HGF: variants seen among roughly 807,000 people sequenced by gnomAD.
HGF encodes the protein fibroblast-derived tumor cytotoxic factor.
In HGF, 39 loss-of-function variants were observed where a neutral mutation model predicts 111.6. The ratio of observed to expected loss-of-function variants is 0.35; its 90% CI spans 0.27 to 0.46. The LOEUF (loss-of-function observed/expected upper bound fraction) is 0.46. Ranked by LOEUF, HGF falls within the 20% of genes least tolerant of loss-of-function variation. The pLI, the probability that HGF is intolerant of heterozygous loss-of-function variation, is 1.00. For synonymous variants in HGF, 285 were observed against 294.8 expected (o/e 0.97, Z 0.34); for missense variants, 735 against 910.5 (o/e 0.81, Z 2.48).
chr7:81,761,234 AG>A (rs1377759589), intron 2 of HGF, among the ~76,000 whole-genome samples: 3 of 152,224 alleles, frequency 2.0e-5, no homozygotes, highest in Non-Finnish European at 2.9e-5. Flanking sequence ...TAGGAAAGTC[AG>A]GGAATAAAAC....
At chr7:81,722,650 C>G (rs1299804474) in intron 9 of HGF, among the ~76,000 whole-genome samples, 1 of 148,968 alleles carries the variant, frequency 6.7e-6, no homozygotes, top group African/African-American at 2.5e-5. Flanking sequence ...CCATTTCTAC[C>G]AAAAATATAA....
chr7:81,761,989 T>C (rs930643774), intron 2 of HGF, among the ~76,000 whole-genome samples: 1 of 152,096 alleles, frequency 6.6e-6, no homozygotes, highest in Non-Finnish European at 1.5e-5. Flanking sequence ...GCAGTAATGC[T>C]CACTGGCCTG....
At chr7:81,716,804 T>C (rs1300482464) in intron 11 of HGF, among the ~76,000 whole-genome samples, 1 of 152,062 alleles carries the variant, frequency 6.6e-6, no homozygotes, top group African/African-American at 2.4e-5. Flanking sequence ...GAGAAGGAAA[T>C]AGAAGTACCA....
At chr7:81,757,857 A>C (rs1465778096) in intron 3 of HGF, among the ~76,000 whole-genome samples, 1 of 152,020 alleles carries the variant, frequency 6.6e-6, no homozygotes, top group Admixed American at 6.6e-5. Flanking sequence ...TAGTACATGC[A>C]GTTGTTAGCA....
At chr7:81,728,581 G>A (rs1790081419) in intron 8 of HGF, among the ~76,000 whole-genome samples, 1 of 152,194 alleles carries the variant, frequency 6.6e-6, no homozygotes, top group Non-Finnish European at 1.5e-5. Context: ...TGATGGAAAT[G>A]AGGGAAATAA....
chr7:81,758,838 C>G (rs1584005918), intron 2 of HGF, 34 bp from the exon 3 acceptor site: 1 of 1,341,852 alleles, frequency 7.5e-7, no homozygotes, highest in Non-Finnish European at 1.1e-6. Context: ...AGAAGAAATA[C>G]TACTATTTAT....
intron 9 of HGF, among the ~76,000 whole-genome samples, chr7:81,725,416 G>T (rs1367458839): frequency 6.6e-6 from 1 of 152,206 alleles, no homozygotes; most frequent in South Asian, 2.1e-4. Context: ...GGCACATGCT[G>T]CTCCCTCACT....
intron 1 of HGF, among the ~76,000 whole-genome samples, chr7:81,764,106 G>A (rs1789235192): frequency 6.6e-6 from 1 of 152,096 alleles, no homozygotes; most frequent in African/African-American, 2.4e-5. Flanking sequence ...GTGTTGAAAT[G>A]TGTCAAAAAA....
At chr7:81,741,514 T>G (rs1787999595) in intron 7 of HGF, among the ~76,000 whole-genome samples, 1 of 151,942 alleles carries the variant, frequency 6.6e-6, no homozygotes, top group Non-Finnish European at 1.5e-5. Context: ...AGGGCAACAT[T>G]TGGATTTCTT....
chr7:81,731,449 G>T (rs1419565153), intron 7 of HGF, among the ~76,000 whole-genome samples: 2 of 152,116 alleles, frequency 1.3e-5, no homozygotes, highest in African/African-American at 2.4e-5. Flanking sequence ...TATTGATATT[G>T]ATGATATATA....
At position 81,702,715 on chromosome 7, in the gene HGF, T is replaced by A; in HGVS notation, c.2053A>T (p.Arg685Ter). ...GGAACAATGACACCAAGAACCATTC[T>A]CATTTTATGTTGCTCACAAACAAGT... ...GPLVCEQHKM[R>*]MVLGVIVPGR... is the part of the protein sequence containing the mutation. Residue 685 changes from arginine to a stop codon, truncating the protein, a stop_gained, in exon 18 of 18, where the codon AGA becomes TGA. Coordinates refer to ENST00000222390, the MANE Select transcript of HGF (RefSeq NM_000601.6). LOFTEE classifies it high-confidence loss of function. 6.2e-7 allele frequency: 1 copy of A among 1,611,734 alleles called. No homozygotes were observed. The highest frequency in any genetic ancestry group is 8.5e-7 in the Non-Finnish European group (1 of 1,178,412).
chr7:81,760,137 T>C (rs891324382), intron 2 of HGF, among the ~76,000 whole-genome samples: 1 of 152,200 alleles, frequency 6.6e-6, no homozygotes, highest in Admixed American at 6.5e-5. Context: ...GTAAGTTGCA[T>C]CTTCTTTTAG....
intron 2 of HGF, among the ~76,000 whole-genome samples, chr7:81,759,704 C>A (rs1788965579): frequency 6.6e-6 from 1 of 152,074 alleles, no homozygotes; most frequent in South Asian, 2.1e-4. Flanking sequence ...CGGGGTTTCA[C>A]CATGTTAGCC....
chr7:81,736,570 A>G (rs1307987118), intron 7 of HGF, among the ~76,000 whole-genome samples: 5 of 152,140 alleles, frequency 3.3e-5, no homozygotes, highest in Non-Finnish European at 5.9e-5. Flanking sequence ...AGCTCAAATG[A>G]AGGAGCTGAT....
At chr7:81,705,594 T>G (rs1421168412) in intron 16 of HGF, 53 bp downstream of exon 16, 5 of 1,600,330 alleles carry the variant, frequency 3.1e-6, no homozygotes, top group Non-Finnish European at 4.3e-6. Context: ...AAGACAAATG[T>G]GTTCTTTTTA....
At chr7:81,765,290 G>T (rs1240066013) in intron 1 of HGF, among the ~76,000 whole-genome samples, 2 of 152,172 alleles carry the variant, frequency 1.3e-5, no homozygotes, top group Non-Finnish European at 2.9e-5. Flanking sequence ...TGGAATTTTT[G>T]ATTGTATTTA....
At chr7:81,722,288 T>C (rs1231521800) in intron 9 of HGF, among the ~76,000 whole-genome samples, 3 of 151,772 alleles carry the variant, frequency 2.0e-5, no homozygotes, top group Admixed American at 2.0e-4. Flanking sequence ...CTTAGCCTCC[T>C]GTGTAGCTGG....
chr7:81,750,872 T>C (rs990455446), intron 5 of HGF: 1 of 726,040 alleles, frequency 1.4e-6, no homozygotes. Flanking sequence ...TTCAGACTTA[T>C]TCATACAAAA....
At chr7:81,758,874 G>T in intron 2 of HGF, 70 bp from the exon 3 acceptor site, 1 of 983,530 alleles carries the variant, frequency 1.0e-6, no homozygotes, top group Non-Finnish European at 1.6e-6. Context: ...TGGGCATATG[G>T]TTCATCTTGT....
Sources: gnomAD v4.1 joint callset for allele counts (sites outside exome capture counted in the v4.1 genomes callset) on GRCh38, gnomAD v4.1.1 for gene constraint, MANE v1.5 for transcripts, NCBI Gene and HGNC (gene_info 2026-07-23, HGNC 2026-07-21) for gene names.